Variants in EPC1 observed in about 807,000 individuals in gnomAD.
EPC1 encodes the protein enhancer of polycomb homolog 1.
EPC1 carries 12 observed loss-of-function variants against 98.4 expected under a neutral mutation model. The ratio of observed to expected loss-of-function variants is 0.12; its 90% CI spans 0.08 to 0.20. EPC1 has a LOEUF of 0.20. EPC1 is among the 10% of genes least tolerant of loss of function. The pLI is 1.00. For missense variants in EPC1, 729 were observed against 990.5 expected (o/e 0.74, Z 3.54); for synonymous variants, 357 against 363.9 (o/e 0.98, Z 0.21).
chr10:32,284,459 T>A (rs1290540983), intron 10 of EPC1: 1 of 371,934 alleles, frequency 2.7e-6, no homozygotes, highest in African/African-American at 2.1e-5. Flanking sequence ...GAAACAAATG[T>A]CACATATTAA....
chr10:32,298,528 G>A (rs1835305405), intron 2 of EPC1, among the ~76,000 whole-genome samples: 1 of 152,128 alleles, frequency 6.6e-6, no homozygotes, highest in Non-Finnish European at 1.5e-5. Context: ...CAAAGCTCTT[G>A]ATATCAATTC....
At chr10:32,352,361 CT>C (rs1839139621) in intron 1 of EPC1, among the ~76,000 whole-genome samples, 1 of 152,018 alleles carries the variant, frequency 6.6e-6, no homozygotes, top group African/African-American at 2.4e-5. Context: ...TGTATTGATT[CT>C]TTTCAGTCTG....
chr10:32,363,379 C>T (rs114016412), intron 1 of EPC1, among the ~76,000 whole-genome samples: 1 of 152,152 alleles, frequency 6.6e-6, no homozygotes, highest in Non-Finnish European at 1.5e-5. Context: ...CCGTGCTCAG[C>T]CCATTTTTTC....
chr10:32,284,829 T>A lies in EPC1; in HGVS notation c.1613A>T (p.Asp538Val). 6.2e-7 allele frequency: 1 copy of A among 1,614,222 alleles called. No individual in the cohort carries two copies. The highest frequency in any genetic ancestry group is 8.5e-7 in the Non-Finnish European group (1 of 1,180,030). Residue 538 changes from aspartate to valine, a missense_variant, in exon 10 of 14, where the codon GAC becomes GTC. Transcript: ENST00000319778. Reference protein sequence around the residue: ...HFRPRTPSLHDSDNDELSCRK... With the variant: ...HFRPRTPSLHVSDNDELSCRK... ...ACAGGAGAGTTCATCATTGTCACTG[T>A]CATGTAGGGATGGTGTCCGAGGCCT...
intron 1 of EPC1, among the ~76,000 whole-genome samples, chr10:32,317,840 A>G (rs1477590899): frequency 1.3e-5 from 2 of 152,198 alleles, no homozygotes; most frequent in Non-Finnish European, 2.9e-5. Flanking sequence ...CAATTTCTAG[A>G]ATACAAAAAG....
chr10:32,305,590 ATCTTT>A (rs1835832829), intron 2 of EPC1, among the ~76,000 whole-genome samples, 177 bp downstream of exon 2: 1 of 151,896 alleles, frequency 6.6e-6, no homozygotes, highest in African/African-American at 2.4e-5. Context: ...AATAAATGCT[ATCTTT>A]TCTTGTCAGA....
intron 9 of EPC1, 146 bp downstream of exon 9, chr10:32,286,548 A>C: frequency 2.1e-6 from 2 of 974,900 alleles, no homozygotes; most frequent in East Asian, 5.3e-5. Flanking sequence ...CAGCACAGCA[A>C]CAAAAATATT....
intron 1 of EPC1, among the ~76,000 whole-genome samples, chr10:32,353,044 A>C (rs963395582): frequency 6.6e-6 from 1 of 151,962 alleles, no homozygotes; most frequent in Non-Finnish European, 1.5e-5. Context: ...AATCCCAGCT[A>C]CTCAGGAGGC....
chr10:32,298,917 T>C (rs1332554654), intron 2 of EPC1, among the ~76,000 whole-genome samples: 4 of 152,104 alleles, frequency 2.6e-5, no homozygotes, highest in Non-Finnish European at 2.9e-5. Context: ...CTGAGAGGTA[T>C]TGAAAATGTA....
intron 2 of EPC1, among the ~76,000 whole-genome samples, chr10:32,302,698 G>A (rs1835639927): frequency 1.3e-5 from 2 of 149,386 alleles, no homozygotes; most frequent in South Asian, 2.1e-4. Context: ...AGACATGCAC[G>A]ATCATTTCAC....
At chr10:32,288,832 G>C (rs1836840591) in intron 6 of EPC1, among the ~76,000 whole-genome samples, 1 of 151,764 alleles carries the variant, frequency 6.6e-6, no homozygotes, top group African/African-American at 2.4e-5. Context: ...GCTCATGCCT[G>C]TAATCCCAGC....
At chr10:32,294,617 T>C (rs376265743) in intron 2 of EPC1, among the ~76,000 whole-genome samples, 5 of 152,246 alleles carry the variant, frequency 3.3e-5, no homozygotes, top group East Asian at 1.9e-4. Flanking sequence ...ACGCGAACAC[T>C]GTCATGCTGA....
intron 1 of EPC1, among the ~76,000 whole-genome samples, chr10:32,369,519 C>A (rs1839690548): frequency 1.3e-5 from 2 of 152,052 alleles, no homozygotes; most frequent in African/African-American, 4.8e-5. Flanking sequence ...TTTGAACAAG[C>A]TAAGAAGGCA....
At chr10:32,342,741 T>G (rs1039874453) in intron 1 of EPC1, among the ~76,000 whole-genome samples, 3 of 152,150 alleles carry the variant, frequency 2.0e-5, no homozygotes, top group Non-Finnish European at 4.4e-5. Context: ...CCCTCATAAA[T>G]GGAACAACGC....
At chr10:32,371,998 T>C (rs1281770194) in intron 1 of EPC1, among the ~76,000 whole-genome samples, 3 of 152,226 alleles carry the variant, frequency 2.0e-5, no homozygotes, top group Non-Finnish European at 1.5e-5. Flanking sequence ...TATTGAAATA[T>C]GTATATATTA....
At chr10:32,348,277 G>GTT (rs10689216), upstream of EPC1, among the ~76,000 whole-genome samples, 2 of 152,102 alleles carry the variant, frequency 1.3e-5, no homozygotes, top group African/African-American at 4.8e-5. Context: ...TGTTGTTGTT[G>GTT]TTAATAGGGA....
chr10:32,304,237 TA>T (rs1280974729), intron 2 of EPC1, among the ~76,000 whole-genome samples: 1 of 152,200 alleles, frequency 6.6e-6, no homozygotes, highest in Non-Finnish European at 1.5e-5. Flanking sequence ...TTAAGACATG[TA>T]TTAATTTTTT....
chr10:32,378,466 T>C (rs1157486854), intron 1 of EPC1: 1 of 1,542,082 alleles, frequency 6.5e-7, no homozygotes, highest in Non-Finnish European at 8.8e-7. Flanking sequence ...AAGACTGACA[T>C]AAATGGTGAA....
chr10:32,328,187 C>G (rs896371751), intron 1 of EPC1, among the ~76,000 whole-genome samples: 2 of 152,152 alleles, frequency 1.3e-5, no homozygotes, highest in African/African-American at 4.8e-5. Context: ...GTTAAAACAT[C>G]TGAACGGGTT....
Sources: gnomAD v4.1 joint callset for allele counts (sites outside exome capture counted in the v4.1 genomes callset) on GRCh38, gnomAD v4.1.1 for gene constraint, MANE v1.5 for transcripts, NCBI Gene and HGNC (gene_info 2026-07-23, HGNC 2026-07-21) for gene names.